Variants in PTPRD observed in about 807,000 individuals in gnomAD.
PTPRD encodes receptor-type tyrosine-protein phosphatase delta.
In PTPRD, 34 loss-of-function variants were observed where a neutral mutation model predicts 214.5. That is an observed-to-expected ratio of 0.16 (90% CI 0.12 to 0.21). PTPRD has a LOEUF of 0.21. PTPRD is among the 10% of genes least tolerant of loss of function. PTPRD has a pLI of 1.00. For synonymous variants in PTPRD, 1,128 were observed against 845.7 expected (o/e 1.33, Z -5.79); for missense variants, 2,545 against 2,398.7 (o/e 1.06, Z -1.27).
At chr9:10,493,615 A>C (rs1243279443) in intron 2 of PTPRD, among the ~76,000 whole-genome samples, 2 of 151,970 alleles carry the variant, frequency 1.3e-5, no homozygotes, top group African/African-American at 4.8e-5. Context: ...TTCTTTTAAT[A>C]ACACTTGGTC....
chr9:9,056,791 C>T (rs1556420), intron 10 of PTPRD, among the ~76,000 whole-genome samples: 18,953 of 152,084 alleles, frequency 0.12, 1,468 homozygotes, highest in East Asian at 0.35. Flanking sequence ...TTATTTGGCA[C>T]GGAAAATATA....
In PTPRD at chr9:9,710,018, G is replaced by T. The variant is rs370740971; in HGVS notation, c.-287+24515C>A. Among the ~76,000 whole-genome samples, 173 of 151,808 alleles carry T rather than the reference G, an allele frequency of 1.1e-3. 1 individual carries two copies. The highest frequency in any genetic ancestry group is 3.9e-3 in the African/African-American group (161 of 41,438). ...TAGCATCATGCTGATTACATCCAAT[G>T]AGCTTTTTAAAAGCAGATTTTGTTT... On this transcript the variant is annotated intron_variant, in intron 7 of 45. Coordinates refer to ENST00000381196, the MANE Select transcript of PTPRD (RefSeq NM_002839.4).
intron 12 of PTPRD, among the ~76,000 whole-genome samples, chr9:8,673,856 G>C (rs374902979): frequency 6.6e-5 from 10 of 152,010 alleles, no homozygotes; most frequent in Admixed American, 6.6e-5. Flanking sequence ...TATTGACATT[G>C]GGGCTGTCCT....
chr9:9,387,907 T>G (rs930527924), intron 9 of PTPRD, among the ~76,000 whole-genome samples: 2 of 152,194 alleles, frequency 1.3e-5, no homozygotes, highest in East Asian at 3.9e-4. Flanking sequence ...CCAGTGGGCA[T>G]GTGTTACAGG....
At chr9:8,442,748 A>G (rs141804039) in intron 34 of PTPRD, among the ~76,000 whole-genome samples, 1 of 152,294 alleles carries the variant, frequency 6.6e-6, no homozygotes, top group East Asian at 1.9e-4. Context: ...TATTTGTATC[A>G]CAAACTAATG....
chr9:8,385,912 C>T (rs1406201285), intron 37 of PTPRD, among the ~76,000 whole-genome samples: 1 of 152,056 alleles, frequency 6.6e-6, no homozygotes, highest in East Asian at 1.9e-4. Context: ...TAACCATGTT[C>T]AGGGACATGG....
chr9:8,580,210 G>C (rs755014571), intron 14 of PTPRD, among the ~76,000 whole-genome samples: 16 of 152,150 alleles, frequency 1.1e-4, no homozygotes, highest in African/African-American at 2.2e-4. Context: ...CCTTTGGAAA[G>C]ATAAAGGAAC....
At chr9:8,348,017 G>A (rs2074360284) in intron 39 of PTPRD, among the ~76,000 whole-genome samples, 1 of 152,100 alleles carries the variant, frequency 6.6e-6, no homozygotes, top group Admixed American at 6.6e-5. Flanking sequence ...TAAATAAAGA[G>A]GGTGGAAAAG....
intron 5 of PTPRD, among the ~76,000 whole-genome samples, chr9:9,802,389 C>T (rs561800892): frequency 2.0e-5 from 3 of 151,970 alleles, no homozygotes; most frequent in South Asian, 4.2e-4. Flanking sequence ...CTCCCTGCCT[C>T]CTTAGAATTT....
intron 8 of PTPRD, among the ~76,000 whole-genome samples, chr9:9,521,411 A>G (rs566081882): frequency 1.3e-5 from 2 of 151,908 alleles, no homozygotes; most frequent in Non-Finnish European, 2.9e-5. Flanking sequence ...AATCATAAGG[A>G]CTCTAAAAAG....
intron 44 of PTPRD, among the ~76,000 whole-genome samples, chr9:8,323,139 T>C (rs926505789): frequency 6.6e-6 from 1 of 152,168 alleles, no homozygotes; most frequent in Non-Finnish European, 1.5e-5. Flanking sequence ...GTTTATAGCA[T>C]GGTTGACTGA....
At chr9:9,835,229 A>T (rs2056399481) in intron 5 of PTPRD, among the ~76,000 whole-genome samples, 1 of 152,120 alleles carries the variant, frequency 6.6e-6, no homozygotes, top group African/African-American at 2.4e-5. Context: ...CTCCAGCAGG[A>T]TAATACATTC....
intron 36 of PTPRD, among the ~76,000 whole-genome samples, chr9:8,402,501 G>A (rs2173710): frequency 6.6e-6 from 1 of 152,020 alleles, no homozygotes; most frequent in Non-Finnish European, 1.5e-5. Context: ...TGCTACAATA[G>A]AGCAGAGGCA....
intron 5 of PTPRD, among the ~76,000 whole-genome samples, chr9:9,888,444 G>A (rs1029093065): frequency 2.0e-5 from 3 of 152,102 alleles, no homozygotes; most frequent in Admixed American, 6.6e-5. Flanking sequence ...TTCAGTGTTG[G>A]AGGTGGGGGC....
intron 3 of PTPRD, among the ~76,000 whole-genome samples, chr9:10,215,316 T>A (rs1411228516): frequency 2.0e-5 from 3 of 151,794 alleles, no homozygotes; most frequent in Admixed American, 6.6e-5. Context: ...ATAAAGAATA[T>A]AATTAAATGA....
intron 14 of PTPRD, among the ~76,000 whole-genome samples, chr9:8,598,614 C>G (rs184987921): frequency 6.6e-6 from 1 of 152,234 alleles, no homozygotes; most frequent in Non-Finnish European, 1.5e-5. Flanking sequence ...GTCTTTCTAT[C>G]AGATCATGCC....
At chr9:10,227,236 T>C (rs1013053981) in intron 3 of PTPRD, among the ~76,000 whole-genome samples, 3 of 151,974 alleles carry the variant, frequency 2.0e-5, no homozygotes, top group Admixed American at 6.6e-5. Flanking sequence ...GGATGTGAAA[T>C]TGCATGTTGA....
chr9:10,148,476 C>A (rs2099039104), intron 3 of PTPRD, among the ~76,000 whole-genome samples: 1 of 152,154 alleles, frequency 6.6e-6, no homozygotes, highest in East Asian at 1.9e-4. Context: ...AGGCAGCTCT[C>A]TGATTTTAAA....
intron 10 of PTPRD, among the ~76,000 whole-genome samples, chr9:9,136,286 T>C (rs1445860067): frequency 6.6e-6 from 1 of 152,192 alleles, no homozygotes; most frequent in Non-Finnish European, 1.5e-5. Flanking sequence ...GTCATGGTTG[T>C]TTTTAGATTA....
Sources: gnomAD v4.1 joint callset for allele counts (sites outside exome capture counted in the v4.1 genomes callset) on GRCh38, gnomAD v4.1.1 for gene constraint, MANE v1.5 for transcripts, NCBI Gene and HGNC (gene_info 2026-07-23, HGNC 2026-07-21) for gene names.